Variants in CDK19 observed in about 807,000 individuals in gnomAD.
CDK19 encodes cyclin-dependent kinase 19.
In CDK19, 20 loss-of-function variants were observed where a neutral mutation model predicts 68.3. That is an observed-to-expected ratio of 0.29 (90% CI 0.21 to 0.43). The LOEUF is 0.43. Among genes scored for constraint, CDK19 ranks in the 20% least tolerant of loss-of-function variants. CDK19 has a pLI of 1.00. For missense variants in CDK19, 339 were observed against 623.5 expected, an observed-to-expected ratio of 0.54 and a Z score of 4.86; for synonymous variants, 221 against 222.8, an observed-to-expected ratio of 0.99 and a Z score of 0.07.
chr6:110,803,430 G>A (rs1782472507), intron 1 of CDK19, among the ~76,000 whole-genome samples: 1 of 152,012 alleles, frequency 6.6e-6, no homozygotes, highest in African/African-American at 2.4e-5. Flanking sequence ...TTTTTACCAT[G>A]TGTAACCATT....
At chr6:110,681,229 C>G (rs1486067379) in intron 2 of CDK19, among the ~76,000 whole-genome samples, 6 of 151,652 alleles carry the variant, frequency 4.0e-5, no homozygotes, top group Non-Finnish European at 7.4e-5. Context: ...GCCTGTAGTC[C>G]CAGCTACTCG....
Position 110,815,171 on chromosome 6 carries a change from G to GGCC in CDK19, c.-38_-36dup. On this transcript the variant is annotated 5_prime_UTR_variant, in exon 1 of 13. Coordinates refer to ENST00000368911, the MANE Select transcript of CDK19 (RefSeq NM_015076.5). ...CCCCCATAGAGGCACGGGACGCGGGGGCCGCCGCCGCTCAGTCCCTCCTCC... is the reference window on the plus strand; with the variant it reads ...CCCCCATAGAGGCACGGGACGCGGGGGCCGCCGCCGCCGCTCAGTCCCTCCTCC... The GGCC allele has an allele frequency of 1.3e-6, 2 of 1,555,560 alleles. No homozygotes were observed. Among genetic ancestry groups the GGCC allele is most frequent in the Non-Finnish European group, 1.7e-6 (2 of 1,152,228 alleles).
chr6:110,810,372 A>G (rs776523342), intron 1 of CDK19, among the ~76,000 whole-genome samples: 3 of 152,228 alleles, frequency 2.0e-5, no homozygotes, highest in Non-Finnish European at 4.4e-5. Context: ...AAATGACACT[A>G]GCAGCAATTT....
intron 4 of CDK19, among the ~76,000 whole-genome samples, chr6:110,657,526 C>T (rs907806534): frequency 3.9e-5 from 6 of 152,078 alleles, no homozygotes; most frequent in African/African-American, 1.4e-4. Context: ...ATAAATTCCA[C>T]CTCAATAAAA....
At chr6:110,726,484 T>C (rs1462538718) in intron 2 of CDK19, among the ~76,000 whole-genome samples, 3 of 152,166 alleles carry the variant, frequency 2.0e-5, no homozygotes, top group South Asian at 4.1e-4. Flanking sequence ...ATAATTGATA[T>C]ACAAGTAATG....
chr6:110,623,779 TATATACACATATATACACACAC>T (rs1261134447), intron 8 of CDK19, among the ~76,000 whole-genome samples: 6 of 96,046 alleles, frequency 6.2e-5, no homozygotes, highest in Admixed American at 4.9e-4. Context: ...TATATATACA[TATATACACATATATACACACAC>T]ATATACACAT....
intron 1 of CDK19, among the ~76,000 whole-genome samples, chr6:110,766,842 T>C (rs1262961102): frequency 1.3e-5 from 2 of 150,850 alleles, no homozygotes; most frequent in African/African-American, 4.9e-5. Context: ...TCTAAGAAAA[T>C]AAACAAATAA....
intron 4 of CDK19, among the ~76,000 whole-genome samples, chr6:110,649,278 A>C (rs1477236063): frequency 6.6e-6 from 1 of 152,200 alleles, no homozygotes; most frequent in Non-Finnish European, 1.5e-5. Flanking sequence ...GGATCTGTTC[A>C]ATAAATGGTG....
rs981762000 is a variant in CDK19, at chr6:110,745,437, A to G, written c.204+689T>C. Among the ~76,000 whole-genome samples, 11 of 152,272 alleles carry G rather than the reference A, an allele frequency of 7.2e-5. No homozygotes were observed. In the East Asian group the frequency reaches 1.2e-3, roughly 16 times the overall value. ...TTCTGGTGACTAATAACATCTCACT[A>G]TATTATATATTTCAGAAATAGTATT... is the stretch of plus-strand genomic sequence containing the variant. On this transcript the variant is annotated intron_variant, in intron 2 of 12. Transcript: ENST00000368911.
chr6:110,804,115 T>A (rs1782515258), intron 1 of CDK19, among the ~76,000 whole-genome samples: 1 of 152,188 alleles, frequency 6.6e-6, no homozygotes, highest in South Asian at 2.1e-4. Context: ...CACTTTGCCA[T>A]GAATAGGTTT....
chr6:110,691,118 A>T (rs887602487), intron 2 of CDK19, among the ~76,000 whole-genome samples: 2 of 152,186 alleles, frequency 1.3e-5, no homozygotes, highest in African/African-American at 4.8e-5. Flanking sequence ...AACCAACATG[A>T]AGAAATTTTT....
chr6:110,732,195 A>C (rs1455370129), intron 2 of CDK19, among the ~76,000 whole-genome samples: 1 of 151,858 alleles, frequency 6.6e-6, no homozygotes, highest in African/African-American at 2.4e-5. Flanking sequence ...CTCCATTTTT[A>C]CAAAGTCATT....
chr6:110,728,201 T>A (rs1355320551), intron 2 of CDK19, among the ~76,000 whole-genome samples: 1 of 151,794 alleles, frequency 6.6e-6, no homozygotes, highest in Non-Finnish European at 1.5e-5. Flanking sequence ...GGCAGCAGAA[T>A]TGCTTGAACC....
At chr6:110,675,439 C>T (rs1464492624) in intron 2 of CDK19, among the ~76,000 whole-genome samples, 1 of 151,950 alleles carries the variant, frequency 6.6e-6, no homozygotes, top group Middle Eastern at 3.2e-3. Flanking sequence ...ACCAGCCTGA[C>T]CAACATGGAG....
intron 2 of CDK19, among the ~76,000 whole-genome samples, chr6:110,704,797 G>C (rs1435340179): frequency 6.6e-6 from 1 of 152,064 alleles, no homozygotes; most frequent in Non-Finnish European, 1.5e-5. Context: ...GGGATCATAG[G>C]CCAAGGCTAA....
Position 110,678,365 on chromosome 6 carries a change from C to T in CDK19, c.205-7824G>A, listed in dbSNP as rs551477259. ...AGAGCTCCATTTGAATGTCTAAAAG[C>T]CAAAACTGAGGTTGCGCTCTCTACC... On this transcript the variant is annotated intron_variant, in intron 2 of 12. Coordinates refer to ENST00000368911, the MANE Select transcript of CDK19 (RefSeq NM_015076.5). 1.0e-3 allele frequency among the ~76,000 whole-genome samples: 155 copies of T among 152,184 alleles called. 1 individual carries two copies. The highest frequency in any genetic ancestry group is 3.7e-3 in the African/African-American group (153 of 41,522).
At chr6:110,616,347 G>A (rs1014897707) in intron 12 of CDK19, among the ~76,000 whole-genome samples, 2 of 152,090 alleles carry the variant, frequency 1.3e-5, no homozygotes, top group African/African-American at 4.8e-5. Flanking sequence ...CAAGATAACA[G>A]GGCACTAAGG....
chr6:110,670,125 C>A (rs1473521088), intron 3 of CDK19, among the ~76,000 whole-genome samples: 1 of 152,074 alleles, frequency 6.6e-6, no homozygotes, highest in Non-Finnish European at 1.5e-5. Flanking sequence ...CCACTGCACT[C>A]CAGCCTGGGC....
At chr6:110,809,010 T>G (rs1012661173) in intron 1 of CDK19, among the ~76,000 whole-genome samples, 9 of 146,548 alleles carry the variant, frequency 6.1e-5, no homozygotes, top group Non-Finnish European at 1.0e-4. Context: ...ATTTAGACCA[T>G]CCTGGCTAAC....
Sources: gnomAD v4.1 joint callset for allele counts (sites outside exome capture counted in the v4.1 genomes callset) on GRCh38, gnomAD v4.1.1 for gene constraint, MANE v1.5 for transcripts, NCBI Gene and HGNC (gene_info 2026-07-23, HGNC 2026-07-21) for gene names.